Variants in ZC3H12C observed in about 807,000 individuals in gnomAD.
The protein encoded by ZC3H12C is probable ribonuclease ZC3H12C.
ZC3H12C carries 20 observed loss-of-function variants against 76.3 expected under a neutral mutation model. The ratio of observed to expected loss-of-function variants is 0.26; its 90% confidence interval spans 0.18 to 0.38. The LOEUF is 0.38. Ranked by LOEUF, ZC3H12C falls within the 10% of genes least tolerant of loss-of-function variation. The probability of loss-of-function intolerance (pLI) is 1.00; values close to 1 mark genes in which losing one functional copy is unlikely to be tolerated. For missense variants in ZC3H12C, 874 were observed against 1,086.5 expected (o/e 0.80, Z 2.75); for synonymous variants, 352 against 399.6 (o/e 0.88, Z 1.42).
At chr11:110,126,258 C>G (rs977818046) in intron 1 of ZC3H12C, among the ~76,000 whole-genome samples, 2 of 121,020 alleles carry the variant, frequency 1.7e-5, no homozygotes, top group African/African-American at 3.2e-5. Flanking sequence ...AGGTCTCACT[C>G]TGTTGCCCAG....
intron 4 of ZC3H12C, among the ~76,000 whole-genome samples, chr11:110,160,543 C>T (rs180757381): frequency 6.6e-6 from 1 of 151,426 alleles, no homozygotes; most frequent in Admixed American, 6.6e-5. Context: ...TTGTTAAAAA[C>T]TAAGACACAA....
chr11:110,105,867 T>G (rs1861314117), intron 1 of ZC3H12C, among the ~76,000 whole-genome samples: 1 of 152,198 alleles, frequency 6.6e-6, no homozygotes, highest in East Asian at 1.9e-4. Flanking sequence ...ATGTCACCAG[T>G]TTTTTAATTG....
intron 1 of ZC3H12C, among the ~76,000 whole-genome samples, chr11:110,095,475 T>A (rs1861096826): frequency 6.6e-6 from 1 of 152,182 alleles, no homozygotes; most frequent in Non-Finnish European, 1.5e-5. Flanking sequence ...ACAAACAAGG[T>A]ATTAAGTAGG....
intron 1 of ZC3H12C, chr11:110,131,086 T>A (rs1565257977): frequency 6.5e-7 from 1 of 1,535,942 alleles, no homozygotes; most frequent in Non-Finnish European, 8.7e-7. Context: ...GAAACCAATG[T>A]CTTTGTATTT....
intron 3 of ZC3H12C, among the ~76,000 whole-genome samples, chr11:110,153,519 T>G (rs574554262): frequency 6.6e-6 from 1 of 151,656 alleles, no homozygotes; most frequent in Non-Finnish European, 1.5e-5. Flanking sequence ...TCTGGTTTTA[T>G]TAATTAAACA....
At chr11:110,158,027 A>G (rs184952941) in intron 3 of ZC3H12C, among the ~76,000 whole-genome samples, 1 of 152,330 alleles carries the variant, frequency 6.6e-6, no homozygotes, top group African/African-American at 2.4e-5. Flanking sequence ...AAAAAAAATC[A>G]TGACATCTGT....
intron 2 of ZC3H12C, among the ~76,000 whole-genome samples, chr11:110,149,968 C>G (rs1222112812): frequency 6.6e-6 from 1 of 152,004 alleles, no homozygotes; most frequent in Admixed American, 6.6e-5. Context: ...GTAATTTATT[C>G]TAAAACTTTT....
At position 110,159,280 on chromosome 11, in the gene ZC3H12C, A is replaced by G. The variant is rs1364767110; in HGVS notation, c.938A>G (p.Glu313Gly). The G allele has an allele frequency of 9.3e-6, 15 of 1,611,974 alleles. No homozygotes were observed. Among genetic ancestry groups the G allele is most frequent in the Non-Finnish European group, 1.2e-5 (14 of 1,178,920 alleles). Residue 313 changes from glutamate (E) to glycine (G), a missense_variant, in exon 4 of 6, where the codon GAG (glutamate) becomes GGG (glycine). Glu to Gly is a moderately conservative substitution (Grantham distance 98, BLOSUM62 -2). Coordinates refer to ENST00000278590, the MANE Select transcript of ZC3H12C (RefSeq NM_033390.2). ...GATCAGGAAATTTTACGTAAATTAGAGAAGGAGAAAATCCTGGTGTTCACG... is the reference window on the plus strand; with the variant it reads ...GATCAGGAAATTTTACGTAAATTAGGGAAGGAGAAAATCCTGGTGTTCACG... ...ITDQEILRKL[E>G]KEKILVFTPS...
In ZC3H12C at chr11:110,137,183, T is replaced by G. The variant is rs1163399882; in HGVS notation, c.542T>G (p.Leu181Arg). The G allele has an allele frequency of 6.2e-7, 1 of 1,613,918 alleles. No homozygotes were observed. The highest frequency in any genetic ancestry group is 1.1e-5 in the South Asian group (1 of 91,042). The part of the protein sequence containing the change: ...KLGYSEEQVQ[L>R]VLNKLGTDAL... ...GGTTATTCTGAAGAACAGGTTCAGC[T>G]TGTACTAAACAAACTTGGTACTGAT... is the stretch of plus-strand genomic sequence containing the variant. The change falls in exon 2 of 6, where the codon CTT (leucine) becomes CGT (arginine). Residue 181 changes from leucine to arginine, a missense_variant. Leu to Arg is a moderately radical substitution (Grantham distance 102, BLOSUM62 -2). Transcript: ENST00000278590.
At chr11:110,116,325 G>A (rs1171969106) in intron 1 of ZC3H12C, among the ~76,000 whole-genome samples, 2 of 152,066 alleles carry the variant, frequency 1.3e-5, no homozygotes, top group Non-Finnish European at 2.9e-5. Context: ...AAGAGGATAG[G>A]TATGTTTGGC....
At chr11:110,127,137 A>C (rs756481921) in intron 1 of ZC3H12C, among the ~76,000 whole-genome samples, 1 of 152,224 alleles carries the variant, frequency 6.6e-6, no homozygotes, top group Non-Finnish European at 1.5e-5. Flanking sequence ...CGCTTTCAAC[A>C]GTACTTTCTG....
chr11:110,135,709 A>G (rs2134175499), intron 1 of ZC3H12C: 1 of 152,268 alleles, frequency 6.6e-6, no homozygotes, highest in African/African-American at 2.4e-5. Flanking sequence ...ATCACTTTTT[A>G]ACCAAATGCA....
intron 1 of ZC3H12C, among the ~76,000 whole-genome samples, chr11:110,134,958 G>A (rs940905674): frequency 1.2e-4 from 19 of 152,190 alleles, no homozygotes; most frequent in African/African-American, 4.3e-4. Context: ...TCTAATTAAA[G>A]TTTACCAGGT....
rs763536371 is a variant in ZC3H12C at position 110,131,117 on chromosome 11, G to A, written c.22-5546G>A. ...TATTTTCCTGCTAACGTGAGTATTT[G>A]TGCTACTTTAATGCCTTGGAAGTTA... is the stretch of plus-strand genomic sequence containing the variant. On this transcript the variant is annotated intron_variant, in intron 1 of 5. Transcript: ENST00000278590. 8 of 1,529,530 alleles carry A rather than the reference G, an allele frequency of 5.2e-6. No individual in the cohort carries two copies. The South Asian group carries it at 7.1e-5, about 14-fold the overall frequency. The allele number at this position is 1,529,530 out of a possible 1,614,324, so 94.7% of individuals were successfully genotyped here.
intron 1 of ZC3H12C, among the ~76,000 whole-genome samples, chr11:110,114,030 G>A (rs999544319): frequency 2.0e-5 from 3 of 152,104 alleles, no homozygotes; most frequent in Non-Finnish European, 4.4e-5. Context: ...GAAACCTTCA[G>A]TAGTTCCCCA....
chr11:110,099,310 T>C (rs979281329), intron 1 of ZC3H12C, among the ~76,000 whole-genome samples: 5 of 152,232 alleles, frequency 3.3e-5, no homozygotes, highest in African/African-American at 1.2e-4. Context: ...AGAAAAGTTA[T>C]ATTGATATGT....
At chr11:110,137,447 C>A in intron 2 of ZC3H12C, 33 bp downstream of exon 2, 1 of 1,543,158 alleles carries the variant, frequency 6.5e-7, no homozygotes, top group Non-Finnish European at 8.7e-7. Flanking sequence ...AAAATTACTA[C>A]CAAATAATCT....
chr11:110,148,255 A>G (rs1206929419), intron 2 of ZC3H12C, among the ~76,000 whole-genome samples: 1 of 152,162 alleles, frequency 6.6e-6, no homozygotes, highest in East Asian at 1.9e-4. Context: ...CAATTTGTCT[A>G]CTTCAAATGA....
Position 110,117,827 on chromosome 11 carries a change from CAT to C in ZC3H12C, c.22-18832_22-18831del, listed in dbSNP as rs1555017722. 5.4e-4 allele frequency among the ~76,000 whole-genome samples: 29 copies of C among 53,664 alleles called. 4 individuals carry two copies. The highest frequency in any genetic ancestry group is 8.4e-4 in the African/African-American group (15 of 17,794). The allele number at this position is 53,664 out of a possible 152,430, so 35.2% of individuals were successfully genotyped here. A position where few individuals can be genotyped will look rare whatever the true frequency, so the allele number is the denominator to read the frequency against. ...ATACACACATATATATACACACACACATATAATATATATATACACACACACAT... is the reference window on the plus strand; with the variant it reads ...ATACACACATATATATACACACACACATAATATATATATACACACACACAT... On this transcript the variant is annotated intron_variant, in intron 1 of 5. Coordinates refer to ENST00000278590, the MANE Select transcript of ZC3H12C (RefSeq NM_033390.2).
Sources: allele counts gnomAD v4.1 joint callset (sites outside exome capture counted in the v4.1 genomes callset), GRCh38; gene constraint gnomAD v4.1.1; transcripts MANE v1.5; gene names NCBI Gene and HGNC (gene_info 2026-07-23, HGNC 2026-07-21).